Variants in YAP1 observed in about 807,000 individuals in gnomAD.
YAP1 encodes Yes1 associated transcriptional regulator, also known as transcriptional coactivator YAP1.
In YAP1, 5 loss-of-function variants were observed where a neutral mutation model predicts 56.9. The observed-to-expected ratio is 0.09, with a 90% CI of 0.05 to 0.18. YAP1 has a LOEUF of 0.18. Among genes scored for constraint, YAP1 ranks in the 10% least tolerant of loss-of-function variants. YAP1 has a pLI of 1.00. For missense variants in YAP1, 539 were observed against 651.8 expected, an observed-to-expected ratio of 0.83 and a Z score of 1.88; for synonymous variants, 265 against 248.1, an observed-to-expected ratio of 1.07 and a Z score of -0.64.
Position 102,231,108 on chromosome 11 carries a change from C to G in YAP1, c.*1168C>G, listed in dbSNP as rs1297316022. 6.6e-6 allele frequency: 1 copy of G among 152,202 alleles called. No individual in the cohort carries two copies. Among genetic ancestry groups the G allele is most frequent in the African/African-American group, 2.4e-5 (1 of 41,456 alleles). 9.4% of individuals were successfully genotyped at this position (152,202 alleles called of 1,614,324 possible). On this transcript the variant is annotated 3_prime_UTR_variant, in exon 9 of 9. Transcript: ENST00000282441. ...TGTGGATAGTGCCTAGGGGAGTGCT[C>G]CACGCCCTCTGGGCATACGGTAGAT...
intron 2 of YAP1, among the ~76,000 whole-genome samples, chr11:102,118,744 C>CT (rs1265620703): frequency 2.6e-5 from 3 of 114,268 alleles, no homozygotes; most frequent in South Asian, 2.8e-4. Flanking sequence ...GAGCCAGACT[C>CT]TATCTCAAAA....
In YAP1 at chr11:102,183,848, G is replaced by A. The variant is rs1249535118; in HGVS notation, c.689-2170G>A. On this transcript the variant is annotated intron_variant, in intron 3 of 8. Coordinates refer to ENST00000282441, the MANE Select transcript of YAP1 (RefSeq NM_001130145.3). Reference sequence around the variant, plus strand: ...TCCCAGCACTTTGGGAGGCCGAGGCGGGCGGATCACGAGGTCAGGAGATCG... The same window carrying A: ...TCCCAGCACTTTGGGAGGCCGAGGCAGGCGGATCACGAGGTCAGGAGATCG... Among the ~76,000 whole-genome samples the A allele has an allele frequency of 3.3e-5, 5 of 151,844 alleles. No individual in the cohort carries two copies. The East Asian group carries it at 5.8e-4, about 18-fold the overall frequency.
At chr11:102,205,375 A>G (rs1170013106) in intron 4 of YAP1, among the ~76,000 whole-genome samples, 2 of 152,104 alleles carry the variant, frequency 1.3e-5, no homozygotes, top group South Asian at 2.1e-4. Flanking sequence ...ATTTTTGTGG[A>G]TGAATTTTTA....
chr11:102,156,665 T>C (rs1332625460), intron 2 of YAP1, among the ~76,000 whole-genome samples: 1 of 152,198 alleles, frequency 6.6e-6, no homozygotes, highest in East Asian at 1.9e-4. Flanking sequence ...AAATACAATT[T>C]TTGAACTTTT....
rs1175012983 is a variant in YAP1, at chr11:102,230,434, C to G, written c.*494C>G. The G allele has an allele frequency of 6.4e-6, 1 of 155,654 alleles. No individual in the cohort carries two copies. The highest frequency in any genetic ancestry group is 2.4e-5 in the African/African-American group (1 of 41,442). The allele number at this position is 155,654 out of a possible 1,614,324, so 9.6% of individuals were successfully genotyped here. A position where few individuals can be genotyped will look rare whatever the true frequency, so the allele number is the denominator to read the frequency against. ...TATATCTGATATTAAATACTTAATG[C>G]TGATTTGAAGAGATAGCTGAAACCA... On this transcript the variant is annotated 3_prime_UTR_variant, in exon 9 of 9. Coordinates refer to ENST00000282441, the MANE Select transcript of YAP1 (RefSeq NM_001130145.3).
rs771176239 is a variant in YAP1, at chr11:102,229,970, G to A, written c.*30G>A. The A allele has an allele frequency of 3.8e-6, 6 of 1,593,696 alleles. No homozygotes were observed. The highest frequency in any genetic ancestry group is 1.7e-4 in the Middle Eastern group (1 of 6,012). On this transcript the variant is annotated 3_prime_UTR_variant, in exon 9 of 9. Coordinates refer to ENST00000282441, the MANE Select transcript of YAP1 (RefSeq NM_001130145.3). Reference sequence around the variant, plus strand: ...CTCAGGCAGACTGAATTCTAAATCTGTGAAGGATCTAAGGAGACACATGCA... The same window carrying A: ...CTCAGGCAGACTGAATTCTAAATCTATGAAGGATCTAAGGAGACACATGCA...
chr11:102,229,420 A>C (rs1950357426), intron 8 of YAP1, among the ~76,000 whole-genome samples: 1 of 151,964 alleles, frequency 6.6e-6, no homozygotes, highest in South Asian at 2.1e-4. Context: ...GCTGCATATA[A>C]TTTTTCAAGG....
intron 3 of YAP1, among the ~76,000 whole-genome samples, chr11:102,170,800 C>A (rs1185754223): frequency 6.6e-6 from 1 of 151,978 alleles, no homozygotes; most frequent in Non-Finnish European, 1.5e-5. Flanking sequence ...GAAACCCCGT[C>A]TCTACTAAAA....
At chr11:102,115,686 C>CT (rs1213179778) in intron 2 of YAP1, among the ~76,000 whole-genome samples, 26 of 151,858 alleles carry the variant, frequency 1.7e-4, no homozygotes, top group African/African-American at 6.3e-4. Context: ...GGGCCTGAGA[C>CT]TGGAAAGTAC....
chr11:102,124,393 C>T (rs1378234312), intron 2 of YAP1, among the ~76,000 whole-genome samples: 1 of 152,084 alleles, frequency 6.6e-6, no homozygotes. Flanking sequence ...GTCAACAATG[C>T]CTAGTCATGT....
intron 2 of YAP1, among the ~76,000 whole-genome samples, chr11:102,139,456 T>A (rs1313391767): frequency 6.6e-6 from 1 of 152,206 alleles, no homozygotes; most frequent in Admixed American, 6.5e-5. Context: ...AAACTACTGC[T>A]GTGCAAAGTT....
intron 3 of YAP1, among the ~76,000 whole-genome samples, chr11:102,180,171 G>A (rs1158143923): frequency 2.0e-5 from 3 of 151,394 alleles, no homozygotes; most frequent in Non-Finnish European, 4.4e-5. Context: ...CACCACACCC[G>A]GCTAATTTTG....
At chr11:102,216,520 T>A (rs868174262) in intron 6 of YAP1, among the ~76,000 whole-genome samples, 2 of 152,178 alleles carry the variant, frequency 1.3e-5, no homozygotes, top group Non-Finnish European at 2.9e-5. Flanking sequence ...AAAACACATT[T>A]TCAGTGAATA....
Position 102,209,580 on chromosome 11 carries a change from A to C in YAP1, c.1032+16A>C. The C allele has an allele frequency of 6.4e-7, 1 of 1,551,460 alleles. No homozygotes were observed. The highest frequency in any genetic ancestry group is 8.7e-7 in the Non-Finnish European group (1 of 1,152,436). On this transcript the variant is annotated intron_variant, in intron 6 of 8. Coordinates refer to ENST00000282441, the MANE Select transcript of YAP1 (RefSeq NM_001130145.3). ...AAAATGTCAGGTAGGCTCTTATCTGATGTTTTAGCACTGGAAAAAAAAAAA... is the reference window on the plus strand; with the variant it reads ...AAAATGTCAGGTAGGCTCTTATCTGCTGTTTTAGCACTGGAAAAAAAAAAA...
intron 2 of YAP1, among the ~76,000 whole-genome samples, chr11:102,131,221 T>TA (rs1431637659): frequency 6.6e-6 from 1 of 152,238 alleles, no homozygotes; most frequent in Non-Finnish European, 1.5e-5. Flanking sequence ...AGCCAATGCT[T>TA]AGTCTTTAGT....
rs186357763 is a variant in YAP1, at chr11:102,133,931, G to A, written c.572+19537G>A. On this transcript the variant is annotated intron_variant, in intron 2 of 8. Coordinates refer to ENST00000282441, the MANE Select transcript of YAP1 (RefSeq NM_001130145.3). Reference sequence around the variant, plus strand: ...TGTCAATCTCCCTGCATGCTCACACGACCGCTTTTTGTACATACAGTAAGA... The same window carrying A: ...TGTCAATCTCCCTGCATGCTCACACAACCGCTTTTTGTACATACAGTAAGA... Among the ~76,000 whole-genome samples the A allele has an allele frequency of 1.4e-4, 22 of 152,232 alleles. No individual in the cohort carries two copies. The East Asian group carries it at 2.7e-3, about 19-fold the overall frequency.
intron 7 of YAP1, among the ~76,000 whole-genome samples, chr11:102,224,003 A>G (rs1019298214): frequency 3.9e-5 from 6 of 152,222 alleles, no homozygotes; most frequent in African/African-American, 1.2e-4. Flanking sequence ...GCTTCTGCCT[A>G]TACTGTTGAC....
chr11:102,111,300 C>T (rs537499198), intron 1 of YAP1, 131 bp downstream of exon 1: 1 of 1,064,390 alleles, frequency 9.4e-7, no homozygotes, highest in Admixed American at 2.9e-5. Context: ...GTGGGGGTCC[C>T]GAGGCGAAGT....
At chr11:102,228,252 C>CT (rs1232370459) in intron 8 of YAP1, among the ~76,000 whole-genome samples, 2 of 152,024 alleles carry the variant, frequency 1.3e-5, no homozygotes, top group East Asian at 1.9e-4. Context: ...CATCTTTTCT[C>CT]TAAGAGTTTT....
Sources: gnomAD v4.1 joint callset for allele counts (sites outside exome capture counted in the v4.1 genomes callset) on GRCh38, gnomAD v4.1.1 for gene constraint, MANE v1.5 for transcripts, NCBI Gene and HGNC (gene_info 2026-07-23, HGNC 2026-07-21) for gene names.